The following ARHGAP44 variants were observed in gnomAD, a reference collection of about 807,000 sequenced individuals.
The protein encoded by ARHGAP44 is rho GTPase-activating protein 44.
ARHGAP44 carries 43 observed loss-of-function variants against 106.8 expected under a neutral mutation model. That is an observed-to-expected ratio of 0.40 (90% CI 0.32 to 0.52). ARHGAP44 has a LOEUF of 0.52. ARHGAP44 is among the 20% of genes least tolerant of loss of function. The pLI is 0.48. For synonymous variants in ARHGAP44, 439 were observed against 410.3 expected, an observed-to-expected ratio of 1.07 and a Z score of -0.85; for missense variants, 866 against 1,050.5, an observed-to-expected ratio of 0.82 and a Z score of 2.43.
intron 1 of ARHGAP44, among the ~76,000 whole-genome samples, chr17:12,790,969 C>G (rs2033735008): frequency 6.6e-6 from 1 of 152,132 alleles, no homozygotes; most frequent in African/African-American, 2.4e-5. Context: ...GGGCTCTCCA[C>G]TAGGTTTACG....
At chr17:12,804,161 G>C (rs191305991) in intron 1 of ARHGAP44, among the ~76,000 whole-genome samples, 3 of 152,314 alleles carry the variant, frequency 2.0e-5, no homozygotes, top group Admixed American at 2.0e-4. Context: ...GCAGCAATTA[G>C]GGTGATTTGC....
chr17:12,803,204 T>G (rs1335150837), intron 1 of ARHGAP44, among the ~76,000 whole-genome samples: 2 of 151,628 alleles, frequency 1.3e-5, no homozygotes, highest in Non-Finnish European at 2.9e-5. Flanking sequence ...ACTCCTGACC[T>G]CAGGTGATCC....
At chr17:12,837,021 C>G (rs1023406900) in intron 1 of ARHGAP44, among the ~76,000 whole-genome samples, 5 of 152,180 alleles carry the variant, frequency 3.3e-5, no homozygotes, top group African/African-American at 1.2e-4. Context: ...CCAAGGTTGA[C>G]CATATTCTCA....
At chr17:12,886,594 T>C (rs1303792440) in intron 1 of ARHGAP44, among the ~76,000 whole-genome samples, 1 of 152,218 alleles carries the variant, frequency 6.6e-6, no homozygotes, top group Non-Finnish European at 1.5e-5. Flanking sequence ...TTTATTTCAG[T>C]ATTCATGTGT....
chr17:12,835,189 A>G (rs951516628), intron 1 of ARHGAP44, among the ~76,000 whole-genome samples: 1 of 152,180 alleles, frequency 6.6e-6, no homozygotes, highest in Admixed American at 6.5e-5. Flanking sequence ...TCTTGGGGAA[A>G]GGTTTTCAAC....
Position 12,958,818 on chromosome 17 carries a change from C to A in ARHGAP44, c.1444C>A (p.Arg482=), listed in dbSNP as rs768821668. Residue 482 remains arginine (R), a synonymous_variant, in exon 16 of 21, where the codon CGG becomes AGG. Coordinates refer to ENST00000379672, the MANE Select transcript of ARHGAP44 (RefSeq NM_014859.6). The surrounding 1 kb of genome is among the most constrained non-coding windows in gnomAD (Gnocchi z 4.1). Reference sequence around the variant, plus strand: ...CTCCCCAGACATGGACCCTGCTGACCGGCGCCAGCCCGAGCAGGCCCGCCG... The same window carrying A: ...CTCCCCAGACATGGACCCTGCTGACAGGCGCCAGCCCGAGCAGGCCCGCCG... The part of the protein sequence containing the change: ...MPSPDMDPAD[R]RQPEQARRPL... The A allele has an allele frequency of 1.2e-6, 2 of 1,604,504 alleles. No individual in the cohort carries two copies. Among genetic ancestry groups the A allele is most frequent in the East Asian group, 4.5e-5 (2 of 44,554 alleles).
At position 12,789,892 on chromosome 17, in the gene ARHGAP44, G is replaced by C; in HGVS notation, c.53+1G>C. 6.6e-7 allele frequency: 1 copy of C among 1,521,556 alleles called. No individual in the cohort carries two copies. Among genetic ancestry groups the C allele is most frequent in the Non-Finnish European group, 8.8e-7 (1 of 1,137,112 alleles). The allele number at this position is 1,521,556 out of a possible 1,614,324, so 94.3% of individuals were successfully genotyped here. ...AGCTGGCCAACCAGACGGTGGGCAG[G>C]TAGGTCACCCGCGGGCACCGCTGTC... is the stretch of plus-strand genomic sequence containing the variant. On this transcript the variant is annotated splice_donor_variant, in intron 1 of 20. Coordinates refer to ENST00000379672, the MANE Select transcript of ARHGAP44 (RefSeq NM_014859.6). LOFTEE classifies it high-confidence loss of function.
At chr17:12,862,379 A>G (rs914607946) in intron 1 of ARHGAP44, among the ~76,000 whole-genome samples, 1 of 152,162 alleles carries the variant, frequency 6.6e-6, no homozygotes, top group African/African-American at 2.4e-5. Flanking sequence ...GACTGCCACC[A>G]TCATTACATG....
intron 1 of ARHGAP44, among the ~76,000 whole-genome samples, chr17:12,825,095 G>A (rs1027732349): frequency 3.3e-5 from 5 of 151,952 alleles, no homozygotes; most frequent in African/African-American, 7.3e-5. Context: ...GAGTTCAGTG[G>A]CATGATCACA....
chr17:12,865,464 A>C (rs574775227), intron 1 of ARHGAP44, among the ~76,000 whole-genome samples: 1 of 152,248 alleles, frequency 6.6e-6, no homozygotes, highest in East Asian at 1.9e-4. Flanking sequence ...CATCAGTAGA[A>C]ATCTCAACAA....
chr17:12,922,950 A>C (rs1227462111), intron 6 of ARHGAP44, among the ~76,000 whole-genome samples: 2 of 152,188 alleles, frequency 1.3e-5, no homozygotes, highest in Non-Finnish European at 2.9e-5. Flanking sequence ...TGATTTAACA[A>C]ATGTTTTTAT....
intron 16 of ARHGAP44, among the ~76,000 whole-genome samples, chr17:12,968,546 G>C (rs1469947291): frequency 6.6e-6 from 1 of 150,988 alleles, no homozygotes; most frequent in Non-Finnish European, 1.5e-5. Flanking sequence ...GGGTTTGCAG[G>C]CATCCCCTCT....
intron 13 of ARHGAP44, 134 bp from the exon 14 acceptor site, chr17:12,955,733 G>A: frequency 1.7e-6 from 1 of 604,330 alleles, no homozygotes; most frequent in Non-Finnish European, 3.0e-6. Flanking sequence ...CGTGACGCAT[G>A]TTCATTACAT....
At chr17:12,925,096 G>A (rs1203746090) in intron 6 of ARHGAP44, among the ~76,000 whole-genome samples, 1 of 152,108 alleles carries the variant, frequency 6.6e-6, no homozygotes, top group African/African-American at 2.4e-5. Flanking sequence ...CCCCATACAG[G>A]TGTCTTTTTC....
At chr17:12,983,456 A>G (rs2039881705) in intron 19 of ARHGAP44, among the ~76,000 whole-genome samples, 2 of 152,114 alleles carry the variant, frequency 1.3e-5, no homozygotes, top group South Asian at 4.1e-4. Context: ...GGAGATTGGG[A>G]AAAGGATAAT....
chr17:12,831,339 C>G (rs1235521585), intron 1 of ARHGAP44, among the ~76,000 whole-genome samples: 1 of 152,154 alleles, frequency 6.6e-6, no homozygotes, highest in Admixed American at 6.5e-5. Flanking sequence ...TCCTGTTTAC[C>G]TCTGTCAACA....
intron 19 of ARHGAP44, among the ~76,000 whole-genome samples, chr17:12,980,718 C>A (rs2039809601): frequency 6.6e-6 from 1 of 152,206 alleles, no homozygotes; most frequent in African/African-American, 2.4e-5. Flanking sequence ...GCCACACTGA[C>A]CAGTTATTAT....
At position 12,881,976 on chromosome 17, in the gene ARHGAP44, C is replaced by T. The variant is rs191488630; in HGVS notation, c.54-12964C>T. Among the ~76,000 whole-genome samples, 295 of 152,228 alleles carry T rather than the reference C, an allele frequency of 1.9e-3. 1 individual carries two copies. Among genetic ancestry groups the T allele is most frequent in the African/African-American group, 6.7e-3 (278 of 41,552 alleles). On this transcript the variant is annotated intron_variant, in intron 1 of 20. Transcript: ENST00000379672. ...TCAGCCTCCCAAAGTGCCAGGATTT[C>T]GGTCCTGGGCCACTGTGCCAAGCCT...
chr17:12,886,345 G>C (rs2036882147), intron 1 of ARHGAP44, among the ~76,000 whole-genome samples: 1 of 152,034 alleles, frequency 6.6e-6, no homozygotes, highest in Non-Finnish European at 1.5e-5. Context: ...GAATCAATTT[G>C]TCTGTAACTA....
Sources: allele counts gnomAD v4.1 joint callset (sites outside exome capture counted in the v4.1 genomes callset), GRCh38; gene constraint gnomAD v4.1.1; non-coding constraint Gnocchi (gnomAD v3.1); transcripts MANE v1.5; gene names NCBI Gene and HGNC (gene_info 2026-07-23, HGNC 2026-07-21).